CERT1: variants seen among roughly 807,000 people sequenced by gnomAD.
CERT1 encodes the protein ceramide transfer protein.
Under a neutral mutation model 87.9 loss-of-function variants are expected in CERT1, and 31 were observed. The ratio of observed to expected loss-of-function variants is 0.35; its 90% CI spans 0.27 to 0.48. CERT1 has a LOEUF of 0.48. Ranked by LOEUF, CERT1 falls within the 20% of genes least tolerant of loss-of-function variation. CERT1 has a pLI of 0.99. For missense variants in CERT1, 487 were observed against 758.0 expected (o/e 0.64, Z 4.20); for synonymous variants, 289 against 250.9 (o/e 1.15, Z -1.44).
chr5:75,465,514 T>C (rs190732330), intron 2 of CERT1, among the ~76,000 whole-genome samples: 1 of 152,310 alleles, frequency 6.6e-6, no homozygotes, highest in South Asian at 2.1e-4. Context: ...GCCACAGAAA[T>C]TGATTCTTGC....
chr5:75,408,498 T>A (rs1431882244), intron 8 of CERT1, among the ~76,000 whole-genome samples: 1 of 152,064 alleles, frequency 6.6e-6, no homozygotes, highest in Non-Finnish European at 1.5e-5. Context: ...AGCCCGAACC[T>A]CAGTTTGGTC....
intron 9 of CERT1, chr5:75,402,248 G>C (rs1158987678): frequency 6.6e-6 from 1 of 152,116 alleles, no homozygotes; most frequent in Non-Finnish European, 1.5e-5. Flanking sequence ...TACTAATATA[G>C]ATGAAAAACC....
At chr5:75,386,077 C>A in intron 12 of CERT1, 43 bp from the exon 13 acceptor site, 1 of 1,409,406 alleles carries the variant, frequency 7.1e-7, no homozygotes, top group South Asian at 1.8e-5. Context: ...AATTAAAAAT[C>A]AAGCCCATAA....
intron 2 of CERT1, among the ~76,000 whole-genome samples, chr5:75,462,863 G>A (rs893980857): frequency 4.6e-5 from 7 of 151,396 alleles, no homozygotes; most frequent in Non-Finnish European, 7.4e-5. Flanking sequence ...GTGGTGGCGC[G>A]CGCCTGTAGT....
chr5:75,390,134 T>TAG (rs576029785), intron 11 of CERT1, among the ~76,000 whole-genome samples: 2 of 151,746 alleles, frequency 1.3e-5, no homozygotes, highest in African/African-American at 2.4e-5. Context: ...AACAAAGACA[T>TAG]AGAGAGAGAG....
In CERT1 at chr5:75,377,853, A is replaced by C. The variant is rs1761387216; in HGVS notation, c.*1493T>G. Reference sequence around the variant, plus strand: ...GTCCAGGCTGGAGTGCAGTCGTGTAATCACAGCTCACTGCAGCCTCAAACT... The same window carrying C: ...GTCCAGGCTGGAGTGCAGTCGTGTACTCACAGCTCACTGCAGCCTCAAACT... On this transcript the variant is annotated 3_prime_UTR_variant, in exon 17 of 17. Transcript: ENST00000643780. The C allele has an allele frequency of 6.6e-6, 1 of 152,226 alleles. No individual in the cohort carries two copies. Among genetic ancestry groups the C allele is most frequent in the Admixed American group, 6.5e-5 (1 of 15,284 alleles). The allele number at this position is 152,226 out of a possible 1,614,324, so 9.4% of individuals were successfully genotyped here.
At chr5:75,447,954 T>G (rs1189609455) in intron 3 of CERT1, among the ~76,000 whole-genome samples, 1 of 152,180 alleles carries the variant, frequency 6.6e-6, no homozygotes, top group African/African-American at 2.4e-5. Flanking sequence ...TTTTCTTACT[T>G]TATAATTAAC....
At chr5:75,391,483 A>C (rs1013519378) in intron 11 of CERT1, among the ~76,000 whole-genome samples, 5 of 152,218 alleles carry the variant, frequency 3.3e-5, no homozygotes, top group Non-Finnish European at 5.9e-5. Context: ...AATTCTCAAA[A>C]CAGTGTGAGT....
chr5:75,374,691 T>C (rs1423007158), downstream of CERT1: 2 of 611,886 alleles, frequency 3.3e-6, no homozygotes, highest in Non-Finnish European at 6.2e-6. Flanking sequence ...ACTGTGTGAG[T>C]TGTGCAACTC....
At chr5:75,469,903 A>G (rs922704207) in intron 2 of CERT1, among the ~76,000 whole-genome samples, 3 of 152,170 alleles carry the variant, frequency 2.0e-5, no homozygotes, top group Non-Finnish European at 4.4e-5. Flanking sequence ...AGAAACCAAA[A>G]GACAGTAGGA....
chr5:75,450,963 T>C (rs1561272388), intron 3 of CERT1, among the ~76,000 whole-genome samples: 1 of 152,188 alleles, frequency 6.6e-6, no homozygotes, highest in Non-Finnish European at 1.5e-5. Context: ...TCCATAACCT[T>C]GACAAAATAA....
intron 3 of CERT1, among the ~76,000 whole-genome samples, chr5:75,444,625 C>A (rs976049359): frequency 2.0e-5 from 3 of 149,520 alleles, no homozygotes; most frequent in African/African-American, 7.4e-5. Flanking sequence ...CGGCTCACTG[C>A]AACCTCCACC....
At chr5:75,451,193 C>G (rs1764756382) in intron 3 of CERT1, among the ~76,000 whole-genome samples, 2 of 152,114 alleles carry the variant, frequency 1.3e-5, no homozygotes, top group South Asian at 4.1e-4. Flanking sequence ...AAAAAATTTA[C>G]TAACCGTGTA....
intron 13 of CERT1, 131 bp from the exon 14 acceptor site, chr5:75,384,843 T>C: frequency 3.3e-6 from 2 of 601,924 alleles, no homozygotes; most frequent in Non-Finnish European, 5.9e-6. Flanking sequence ...CTAGGTTACA[T>C]CCAAATGGAA....
At chr5:75,399,138 C>T (rs966750127) in intron 11 of CERT1, among the ~76,000 whole-genome samples, 172 bp downstream of exon 11, 1 of 152,138 alleles carries the variant, frequency 6.6e-6, no homozygotes, top group African/African-American at 2.4e-5. Flanking sequence ...ACATGCAAAC[C>T]TGACAGAGGA....
chr5:75,398,658 T>C (rs1405937239), intron 11 of CERT1, among the ~76,000 whole-genome samples: 2 of 152,170 alleles, frequency 1.3e-5, no homozygotes, highest in African/African-American at 2.4e-5. Context: ...CCAATGGTAA[T>C]CTGATTTTAT....
At chr5:75,415,400 G>GC (rs1178656770) in intron 7 of CERT1, among the ~76,000 whole-genome samples, 1 of 152,092 alleles carries the variant, frequency 6.6e-6, no homozygotes, top group Non-Finnish European at 1.5e-5. Flanking sequence ...AACAAAAGTG[G>GC]TTTTTTTCCC....
intron 2 of CERT1, among the ~76,000 whole-genome samples, chr5:75,500,985 G>GTTTT (rs143887595): frequency 6.8e-6 from 1 of 147,296 alleles, no homozygotes; most frequent in Non-Finnish European, 1.5e-5. Context: ...TCCATTGTCT[G>GTTTT]TTTTTTTTGT....
intron 3 of CERT1, among the ~76,000 whole-genome samples, chr5:75,428,092 T>G (rs1420190718): frequency 6.6e-6 from 1 of 152,176 alleles, no homozygotes; most frequent in Non-Finnish European, 1.5e-5. Flanking sequence ...ATATAGCTAT[T>G]GGTTTACCCA....
Sources: allele counts gnomAD v4.1 joint callset (sites outside exome capture counted in the v4.1 genomes callset), GRCh38; gene constraint gnomAD v4.1.1; transcripts MANE v1.5; gene names NCBI Gene and HGNC (gene_info 2026-07-23, HGNC 2026-07-21).